The following ADGRB1 variants were observed in gnomAD, a reference collection of about 807,000 sequenced individuals.
ADGRB1 encodes the protein adhesion G protein-coupled receptor B1.
A neutral mutation model predicts 175.7 loss-of-function variants in ADGRB1; 36 were observed. The ratio of observed to expected loss-of-function variants is 0.20; its 90% CI spans 0.16 to 0.27. The LOEUF is 0.27. ADGRB1 is among the 10% of genes least tolerant of loss of function. The pLI, the probability that ADGRB1 is intolerant of heterozygous loss-of-function variation, is 1.00. For synonymous variants in ADGRB1, 1,054 were observed against 979.4 expected (o/e 1.08, Z -1.42); for missense variants, 1,731 against 2,255.3 (o/e 0.77, Z 4.71).
At chr8:142,520,564 T>C (rs1331999686) in intron 19 of ADGRB1, among the ~76,000 whole-genome samples, 2 of 98,478 alleles carry the variant, frequency 2.0e-5, no homozygotes, top group Non-Finnish European at 4.4e-5. Flanking sequence ...ATGATGGTGA[T>C]GGTGTGGTGG....
chr8:142,508,070 G>A (rs986356071), intron 17 of ADGRB1, among the ~76,000 whole-genome samples: 5 of 152,090 alleles, frequency 3.3e-5, no homozygotes, highest in African/African-American at 1.2e-4. Flanking sequence ...GTGTCTGGCT[G>A]CATGCCCCCT....
At chr8:142,470,559 G>T (rs1840607269) in intron 2 of ADGRB1, among the ~76,000 whole-genome samples, 2 of 151,922 alleles carry the variant, frequency 1.3e-5, no homozygotes, top group Admixed American at 1.3e-4. Flanking sequence ...GTGTGTCCCT[G>T]CTTCCCTGTG....
At chr8:142,501,989 GTGA>G (rs1176298817) in intron 17 of ADGRB1, among the ~76,000 whole-genome samples, 2 of 138,138 alleles carry the variant, frequency 1.4e-5, no homozygotes, top group Admixed American at 7.4e-5. Flanking sequence ...GGTGGTGGTG[GTGA>G]TGATGGGATG....
At chr8:142,530,260 G>A (rs752722754) in intron 24 of ADGRB1, among the ~76,000 whole-genome samples, 10 of 152,132 alleles carry the variant, frequency 6.6e-5, no homozygotes, top group Non-Finnish European at 1.3e-4. Flanking sequence ...ATGTGTGCCT[G>A]AGAGCAGGAG....
chr8:142,457,105 G>T (rs1320386840), intron 1 of ADGRB1, among the ~76,000 whole-genome samples: 5 of 152,204 alleles, frequency 3.3e-5, no homozygotes, highest in Admixed American at 6.5e-5. Context: ...GGGAGATGCA[G>T]TGAGGCCCGG....
intron 16 of ADGRB1, 124 bp from the exon 17 acceptor site, chr8:142,490,648 C>A: frequency 8.8e-7 from 1 of 1,141,984 alleles, no homozygotes; most frequent in Non-Finnish European, 1.2e-6. Context: ...AAAACGCAGT[C>A]TGTTCAGGGA....
At position 142,464,252 on chromosome 8, in the gene ADGRB1, ACTGCTG is replaced by A. The variant is rs777000151; in HGVS notation, c.67_72del (p.Leu23_Leu24del). 7.4e-7 allele frequency: 1 copy of A among 1,342,638 alleles called. No individual in the cohort carries two copies. Among genetic ancestry groups the A allele is most frequent in the Non-Finnish European group, 9.5e-7 (1 of 1,055,278 alleles). 83.2% of individuals were successfully genotyped at this position (1,342,638 alleles called of 1,614,324 possible). A position where few individuals can be genotyped will look rare whatever the true frequency, so the allele number is the denominator to read the frequency against. On this transcript the variant is annotated inframe_deletion, in exon 2 of 31. Transcript: ENST00000517894. ...CCGTCTGGATCCTCGCCCCGCTGCTACTGCTGCTGCTGCTGCTGGGACGCCGCGCGC... is the reference window on the plus strand; with the variant it reads ...CCGTCTGGATCCTCGCCCCGCTGCTACTGCTGCTGCTGGGACGCCGCGCGC...
At chr8:142,541,422 CA>C (rs1563755419) in intron 27 of ADGRB1, among the ~76,000 whole-genome samples, 1 of 152,136 alleles carries the variant, frequency 6.6e-6, no homozygotes. Flanking sequence ...TTGCAGGCCC[CA>C]GGGGCAGCGA....
chr8:142,484,170 G>A lies in ADGRB1; in HGVS notation c.2199+125G>A, dbSNP rs1030239217. On this transcript the variant is annotated intron_variant, in intron 12 of 30. Transcript: ENST00000517894. The stretch of plus-strand genomic sequence containing the variant: ...GTGCTCTGGGTTTGGATCTCAGGAT[G>A]GTCTCTTGCTGGTGTTGGCAGCACT... 7 of 767,650 alleles carry A rather than the reference G, an allele frequency of 9.1e-6. No individual in the cohort carries two copies. In the African/African-American group the frequency reaches 1.0e-4, roughly 11 times the overall value. The allele number at this position is 767,650 out of a possible 1,614,324, so 47.6% of individuals were successfully genotyped here.
chr8:142,512,056 G>T (rs1843137240), intron 18 of ADGRB1, among the ~76,000 whole-genome samples: 1 of 152,372 alleles, frequency 6.6e-6, no homozygotes, highest in South Asian at 2.1e-4. Context: ...CTGGAAAAGT[G>T]GGGGGCAGGT....
At chr8:142,524,626 T>C (rs115725932) in intron 23 of ADGRB1, among the ~76,000 whole-genome samples, 5,206 of 152,260 alleles carry the variant, frequency 0.034, 278 homozygotes, top group African/African-American at 0.11. Context: ...AAGCTGGGGA[T>C]GGACGGATGA....
At chr8:142,536,765 G>A (rs543878467) in intron 25 of ADGRB1, among the ~76,000 whole-genome samples, 16 of 152,212 alleles carry the variant, frequency 1.1e-4, no homozygotes, top group Admixed American at 7.2e-4. Context: ...TCTCAGACAG[G>A]AGAGGGGTAG....
At chr8:142,517,820 C>T (rs1349997095) in intron 18 of ADGRB1, among the ~76,000 whole-genome samples, 2 of 152,128 alleles carry the variant, frequency 1.3e-5, no homozygotes, top group African/African-American at 2.4e-5. Flanking sequence ...GTGGGGCTGG[C>T]GCCTGCCTGG....
chr8:142,499,886 C>G (rs1173428890), intron 17 of ADGRB1, among the ~76,000 whole-genome samples: 2 of 151,534 alleles, frequency 1.3e-5, no homozygotes, highest in Non-Finnish European at 2.9e-5. Flanking sequence ...GGACCAGAAG[C>G]TGGCACTCAG....
chr8:142,508,499 C>T (rs1226499110), intron 17 of ADGRB1, among the ~76,000 whole-genome samples: 1 of 152,230 alleles, frequency 6.6e-6, no homozygotes, highest in Non-Finnish European at 1.5e-5. Context: ...CAAAGCCTGC[C>T]TGGGTCCAGG....
At chr8:142,544,176 T>A in intron 30 of ADGRB1, 44 bp from the exon 31 acceptor site, 1 of 1,538,230 alleles carries the variant, frequency 6.5e-7, no homozygotes, top group Non-Finnish European at 8.8e-7. Context: ...CTCATGGCTC[T>A]CCCTCCGGGC....
In ADGRB1 at chr8:142,476,553, C is replaced by A. The variant is rs570525782; in HGVS notation, c.947-32C>A. ...GAGAGAGAGGACGGGGGCAAAGAACCGCTCCTGTGCTGACCTAAGCCCGTC... is the reference window on the plus strand; with the variant it reads ...GAGAGAGAGGACGGGGGCAAAGAACAGCTCCTGTGCTGACCTAAGCCCGTC... On this transcript the variant is annotated intron_variant, in intron 3 of 30. Coordinates refer to ENST00000517894, the MANE Select transcript of ADGRB1 (RefSeq NM_001702.3). 21 of 1,536,588 alleles carry A rather than the reference C, an allele frequency of 1.4e-5. No individual in the cohort carries two copies. The African/African-American group carries it at 1.8e-4, about 13-fold the overall frequency.
intron 17 of ADGRB1, among the ~76,000 whole-genome samples, chr8:142,491,551 A>G (rs1266452987): frequency 1.3e-5 from 2 of 152,198 alleles, no homozygotes; most frequent in African/African-American, 4.8e-5. Flanking sequence ...CTAGGCCAGG[A>G]CGTGGGGAGA....
At chr8:142,488,954 A>G (rs1395901402) in intron 14 of ADGRB1, 81 bp from the exon 15 acceptor site, 1 of 1,494,248 alleles carries the variant, frequency 6.7e-7, no homozygotes, top group Admixed American at 1.9e-5. Flanking sequence ...TGCCAGTGAC[A>G]GCGGGGTCCA....
Sources: allele counts gnomAD v4.1 joint callset (sites outside exome capture counted in the v4.1 genomes callset), GRCh38; gene constraint gnomAD v4.1.1; transcripts MANE v1.5; gene names NCBI Gene and HGNC (gene_info 2026-07-23, HGNC 2026-07-21).